VWA3B: variants seen among roughly 807,000 people sequenced by gnomAD.
The protein encoded by VWA3B is von Willebrand factor A domain containing 3B, also known as von Willebrand factor A domain-containing protein 3B.
VWA3B carries 138 observed loss-of-function variants against 158.3 expected under a neutral mutation model. The ratio of observed to expected loss-of-function variants is 0.87; its 90% CI spans 0.76 to 1.00. The LOEUF (loss-of-function observed/expected upper bound fraction) is 1.00. VWA3B is among the 50% of genes least tolerant of loss of function. The pLI is 0.00. For missense variants in VWA3B, 1,555 were observed against 1,565.1 expected, an observed-to-expected ratio of 0.99 and a Z score of 0.11; for synonymous variants, 596 against 587.3, an observed-to-expected ratio of 1.01 and a Z score of -0.21.
intron 12 of VWA3B, among the ~76,000 whole-genome samples, chr2:98,200,933 C>A (rs187456985): frequency 6.6e-6 from 1 of 152,318 alleles, no homozygotes; most frequent in Admixed American, 6.5e-5. Context: ...TGTCAAAAAT[C>A]ATTTGACTAT....
intron 2 of VWA3B, among the ~76,000 whole-genome samples, chr2:98,111,013 G>T (rs1674093974): frequency 6.6e-6 from 1 of 152,168 alleles, no homozygotes; most frequent in Non-Finnish European, 1.5e-5. Context: ...CCAGCCACAT[G>T]GGACTGTAAG....
At chr2:98,109,534 A>T (rs1000802697) in intron 2 of VWA3B, among the ~76,000 whole-genome samples, 2 of 152,164 alleles carry the variant, frequency 1.3e-5, no homozygotes, top group African/African-American at 4.8e-5. Flanking sequence ...TCAACCATCA[A>T]ACATTATTTG....
intron 7 of VWA3B, among the ~76,000 whole-genome samples, chr2:98,146,321 A>G (rs757006187): frequency 3.3e-5 from 5 of 152,160 alleles, no homozygotes; most frequent in Non-Finnish European, 7.3e-5. Context: ...TCACCATGGA[A>G]TGGACACAAG....
chr2:98,112,404 C>T (rs1289035646), intron 2 of VWA3B, among the ~76,000 whole-genome samples: 3 of 151,380 alleles, frequency 2.0e-5, no homozygotes, highest in Non-Finnish European at 2.9e-5. Context: ...TTGAAGAACA[C>T]TTTTGCTGGT....
At chr2:98,177,210 T>C (rs1172059002) in intron 8 of VWA3B, among the ~76,000 whole-genome samples, 1 of 152,160 alleles carries the variant, frequency 6.6e-6, no homozygotes, top group African/African-American at 2.4e-5. Flanking sequence ...GTCTTTTTCA[T>C]TGAAAAATGT....
chr2:98,316,714 C>A (rs1691096298), downstream of VWA3B, among the ~76,000 whole-genome samples: 1 of 151,094 alleles, frequency 6.6e-6, no homozygotes, highest in Admixed American at 6.6e-5. Flanking sequence ...GTGATTAGAT[C>A]ATGGGGGTGG....
In VWA3B at chr2:98,313,188, A is replaced by G. The variant is rs1691008365; in HGVS notation, c.*839A>G. The G allele has an allele frequency of 6.6e-6, 1 of 152,222 alleles. No individual in the cohort carries two copies. The highest frequency in any genetic ancestry group is 1.5e-5 in the Non-Finnish European group (1 of 68,042). 9.4% of individuals were successfully genotyped at this position (152,222 alleles called of 1,614,324 possible). ...CTGAGTTCTGATACTCTAAAAATTT[A>G]CAATCTAATTAAAAGTGGCATTCAC... On this transcript the variant is annotated 3_prime_UTR_variant, in exon 28 of 28. Transcript: ENST00000477737.
intron 26 of VWA3B, among the ~76,000 whole-genome samples, chr2:98,306,992 C>T (rs1038044697): frequency 2.0e-5 from 3 of 152,098 alleles, no homozygotes; most frequent in African/African-American, 4.8e-5. Context: ...CTAGCAGAAC[C>T]GAGTACAAAA....
At chr2:98,110,037 T>G (rs1674020398) in intron 2 of VWA3B, among the ~76,000 whole-genome samples, 1 of 152,050 alleles carries the variant, frequency 6.6e-6, no homozygotes, top group South Asian at 2.1e-4. Flanking sequence ...GTTTTTTGTT[T>G]TTGCCAAATT....
At chr2:98,092,816 G>GTATATATATATATATA (rs70940110) in intron 1 of VWA3B, among the ~76,000 whole-genome samples, 2 of 51,500 alleles carry the variant, frequency 3.9e-5, no homozygotes, top group East Asian at 8.7e-4. Flanking sequence ...AGATGTTTTT[G>GTATATATATATATATA]TATATATATA....
intron 22 of VWA3B, among the ~76,000 whole-genome samples, chr2:98,282,082 G>A (rs1001037525): frequency 2.5e-4 from 38 of 152,174 alleles, no homozygotes; most frequent in African/African-American, 8.4e-4. Flanking sequence ...TAACTGTACG[G>A]CACCCCGAAG....
chr2:98,180,066 TTCTC>T (rs1558642013), intron 8 of VWA3B, among the ~76,000 whole-genome samples: 1 of 148,958 alleles, frequency 6.7e-6, no homozygotes, highest in Non-Finnish European at 1.5e-5. Flanking sequence ...TTTTCTCTCT[TTCTC>T]TCTTTCTTTC....
At chr2:98,265,729 T>C (rs1344784343) in intron 21 of VWA3B, among the ~76,000 whole-genome samples, 5 of 150,162 alleles carry the variant, frequency 3.3e-5, no homozygotes, top group African/African-American at 1.2e-4. Flanking sequence ...TTTTAATGAT[T>C]GCCGTTCTAA....
chr2:98,258,743 G>C (rs566830900), intron 21 of VWA3B, among the ~76,000 whole-genome samples: 1 of 151,636 alleles, frequency 6.6e-6, no homozygotes, highest in Admixed American at 6.6e-5. Context: ...GAATCTATGG[G>C]GTTTTCTATA....
At chr2:98,192,819 T>TG (rs554359985) in intron 10 of VWA3B, 79 bp from the exon 11 acceptor site, 4 of 1,587,816 alleles carry the variant, frequency 2.5e-6, no homozygotes, top group Non-Finnish European at 3.5e-6. Context: ...CCTCTGCAGA[T>TG]GCATCGTTAA....
intron 3 of VWA3B, among the ~76,000 whole-genome samples, chr2:98,117,124 G>A (rs1674592555): frequency 6.6e-6 from 1 of 152,116 alleles, no homozygotes; most frequent in Non-Finnish European, 1.5e-5. Flanking sequence ...ATTTCAGTCT[G>A]GTTAAGAACC....
intron 2 of VWA3B, among the ~76,000 whole-genome samples, chr2:98,110,089 T>TC (rs1357829213): frequency 1.1e-4 from 16 of 151,646 alleles, no homozygotes; most frequent in Admixed American, 2.0e-4. Flanking sequence ...TCTTTTTTTT[T>TC]TTCTTCTTTT....
intron 19 of VWA3B, among the ~76,000 whole-genome samples, chr2:98,238,231 C>T (rs573422180): frequency 1.3e-5 from 2 of 152,230 alleles, no homozygotes; most frequent in African/African-American, 2.4e-5. Flanking sequence ...GTGTGTTCTC[C>T]TCTAGGCTGG....
intron 21 of VWA3B, among the ~76,000 whole-genome samples, 174 bp from the exon 22 acceptor site, chr2:98,270,508 T>C (rs1688132223): frequency 1.3e-5 from 2 of 152,212 alleles, no homozygotes; most frequent in Admixed American, 6.5e-5. Flanking sequence ...AAAGTCCTGA[T>C]AGAGCAGAGG....
Sources: allele counts gnomAD v4.1 joint callset (sites outside exome capture counted in the v4.1 genomes callset), GRCh38; gene constraint gnomAD v4.1.1; transcripts MANE v1.5; gene names NCBI Gene and HGNC (gene_info 2026-07-23, HGNC 2026-07-21).